The following DIAPH2 variants were observed in gnomAD, a reference collection of about 807,000 sequenced individuals.
The protein encoded by DIAPH2 is protein diaphanous homolog 2.
In DIAPH2, 35 loss-of-function variants were observed where a neutral mutation model predicts 92.7. That is an observed-to-expected ratio of 0.38 (90% confidence interval 0.29 to 0.50). DIAPH2 has a LOEUF of 0.50. Among genes scored for constraint, DIAPH2 ranks in the 20% least tolerant of loss-of-function variants. DIAPH2 has a pLI of 0.94. For missense variants in DIAPH2, 701 were observed against 819.5 expected, an observed-to-expected ratio of 0.86 and a Z score of 1.77; for synonymous variants, 301 against 280.4, an observed-to-expected ratio of 1.07 and a Z score of -0.73.
At chrX:96,735,542 A>C (rs1385855197) in intron 1 of DIAPH2, among the ~76,000 whole-genome samples, 1 of 111,868 alleles carries the variant, frequency 8.9e-6, no homozygotes, top group Admixed American at 9.5e-5. Context: ...CCGTATTTAA[A>C]AACAAATATA....
intron 10 of DIAPH2, among the ~76,000 whole-genome samples, chrX:96,935,996 T>C (rs746407677): frequency 8.9e-6 from 1 of 111,855 alleles, no homozygotes; most frequent in African/African-American, 3.2e-5. Context: ...AATCACCTGA[T>C]AATATGACCC....
chrX:97,164,961 G>C (rs781748789), intron 22 of DIAPH2, among the ~76,000 whole-genome samples: 3 of 112,195 alleles, frequency 2.7e-5, no homozygotes, highest in Non-Finnish European at 5.6e-5. Context: ...TCAGGTAAAT[G>C]GTAAAGCAGG....
intron 4 of DIAPH2, among the ~76,000 whole-genome samples, chrX:96,800,266 T>TTC (rs1556180809): frequency 9.0e-6 from 1 of 111,027 alleles, no homozygotes; most frequent in African/African-American, 3.3e-5. Context: ...CATTTTTTTT[T>TTC]CCCCAGATGT....
At chrX:97,069,024 G>A (rs967759416) in intron 17 of DIAPH2, among the ~76,000 whole-genome samples, 1 of 110,946 alleles carries the variant, frequency 9.0e-6, no homozygotes, top group Non-Finnish European at 1.9e-5. Flanking sequence ...ATGCAGTGGC[G>A]CAATCTTGGC....
At chrX:96,728,072 A>C (rs1055325420) in intron 1 of DIAPH2, among the ~76,000 whole-genome samples, 3 of 107,630 alleles carry the variant, frequency 2.8e-5, no homozygotes, top group Non-Finnish European at 5.8e-5. Flanking sequence ...AAAAAAGTAG[A>C]ACACAAATAA....
chrX:97,602,968 C>G lies in DIAPH2; in HGVS notation c.*3651C>G, dbSNP rs1486703771. 5 of 111,166 alleles carry G rather than the reference C, an allele frequency of 4.5e-5. No individual in the cohort carries two copies. In the Admixed American group the frequency reaches 4.8e-4, roughly 11 times the overall value. The allele number at this position is 111,166 out of a possible 1,213,427, so 9.2% of individuals were successfully genotyped here. Reference sequence around the variant, plus strand: ...GATTCACACATTCAGAAAAGAGGGTCCTCACAGATTTTTCCTGAACAACCC... The same window carrying G: ...GATTCACACATTCAGAAAAGAGGGTGCTCACAGATTTTTCCTGAACAACCC... On this transcript the variant is annotated 3_prime_UTR_variant, in exon 27 of 27. Transcript: ENST00000324765.
At chrX:97,352,700 T>G (rs1449169244) in intron 24 of DIAPH2, among the ~76,000 whole-genome samples, 1 of 106,189 alleles carries the variant, frequency 9.4e-6, no homozygotes, top group African/African-American at 3.4e-5. Flanking sequence ...AAACCCCGTC[T>G]CTACTAAAAA....
intron 26 of DIAPH2, among the ~76,000 whole-genome samples, chrX:97,481,229 T>G (rs1326917145): frequency 2.7e-5 from 3 of 112,061 alleles, no homozygotes; most frequent in African/African-American, 9.7e-5. Context: ...ATTCTGACAC[T>G]TGTTAAATAT....
intron 25 of DIAPH2, among the ~76,000 whole-genome samples, chrX:97,415,455 A>C (rs1390737498): frequency 8.9e-6 from 1 of 111,891 alleles, no homozygotes; most frequent in African/African-American, 3.3e-5. Context: ...AACCAACCCA[A>C]ATGTCCATCA....
intron 19 of DIAPH2, among the ~76,000 whole-genome samples, chrX:97,096,099 T>C (rs977876197): frequency 8.9e-6 from 1 of 112,102 alleles, no homozygotes; most frequent in Non-Finnish European, 1.9e-5. Context: ...TTCCAGGATA[T>C]TTGCCTATCA....
Position 96,957,865 on chromosome X carries a change from C to T in DIAPH2, c.1652C>T (p.Pro551Leu). 8.3e-7 allele frequency: 1 copy of T among 1,210,476 alleles called. No individual in the cohort carries two copies. Among genetic ancestry groups the T allele is most frequent in the Non-Finnish European group, 1.1e-6 (1 of 894,929 alleles). The change falls in exon 16 of 27, where the codon CCT becomes CTT. Residue 551 changes from proline to leucine, a missense_variant. Pro to Leu is a moderately conservative substitution (Grantham distance 98). Transcript: ENST00000324765. ...TCAAGTTCATCAGGAATTCCAGGTC[C>T]TCCTGCAGCACCTCCATTGCCAGGT... ...VLSSSSGIPG[P>L]PAAPPLPGVG... is the part of the protein sequence containing the mutation.
At chrX:96,780,410 G>A (rs183427936) in intron 4 of DIAPH2, among the ~76,000 whole-genome samples, 272 of 111,990 alleles carry the variant, frequency 2.4e-3, no homozygotes, top group Non-Finnish European at 3.8e-3. Flanking sequence ...GTGTGTGTGC[G>A]TGACACTTTT....
At chrX:97,475,094 G>C (rs1027441019) in intron 26 of DIAPH2, among the ~76,000 whole-genome samples, 11 of 111,596 alleles carry the variant, frequency 9.9e-5, no homozygotes, top group Admixed American at 9.5e-4. Flanking sequence ...ATCTTGGTTT[G>C]TCAGCTTTTC....
At chrX:97,184,751 G>A (rs775386565) in intron 22 of DIAPH2, among the ~76,000 whole-genome samples, 4 of 111,822 alleles carry the variant, frequency 3.6e-5, no homozygotes, top group Non-Finnish European at 3.8e-5. Flanking sequence ...CTCTGAATGA[G>A]TAGCAGATTG....
chrX:97,340,646 ATTGTTTTTT>A (rs1468829094), intron 23 of DIAPH2, among the ~76,000 whole-genome samples: 3 of 104,328 alleles, frequency 2.9e-5, no homozygotes, highest in Non-Finnish European at 3.9e-5. Context: ...TTTTTGTTTT[ATTGTTTTTT>A]TTGTTTTTTT....
intron 26 of DIAPH2, among the ~76,000 whole-genome samples, chrX:97,561,300 G>A (rs1324343185): frequency 8.9e-6 from 1 of 112,176 alleles, no homozygotes; most frequent in Non-Finnish European, 1.9e-5. Flanking sequence ...GATATGTAGA[G>A]ATAATTTCTC....
chrX:96,790,933 A>C (rs1257947371), intron 4 of DIAPH2, among the ~76,000 whole-genome samples: 2 of 111,642 alleles, frequency 1.8e-5, no homozygotes, highest in East Asian at 5.6e-4. Flanking sequence ...TGTACTCCTC[A>C]TCAGTGCTGT....
At chrX:97,365,314 CT>C (rs2069370029) in intron 24 of DIAPH2, among the ~76,000 whole-genome samples, 1 of 111,783 alleles carries the variant, frequency 8.9e-6, no homozygotes, top group Non-Finnish European at 1.9e-5. Flanking sequence ...TTTAGTTCTC[CT>C]GAGCTTAGTC....
intron 26 of DIAPH2, among the ~76,000 whole-genome samples, chrX:97,583,944 C>T (rs1373453323): frequency 8.9e-6 from 1 of 112,298 alleles, no homozygotes; most frequent in African/African-American, 3.2e-5. Context: ...TTCCAGGTGC[C>T]GTCCGTCACC....
Sources: gnomAD v4.1 joint callset for allele counts (sites outside exome capture counted in the v4.1 genomes callset) on GRCh38, gnomAD v4.1.1 for gene constraint, MANE v1.5 for transcripts, NCBI Gene and HGNC (gene_info 2026-07-23, HGNC 2026-07-21) for gene names.